LARGE1: variants seen among roughly 807,000 people sequenced by gnomAD.
LARGE1 encodes the protein xylosyl- and glucuronyltransferase LARGE1.
LARGE1 carries 43 observed loss-of-function variants against 87.6 expected under a neutral mutation model. The ratio of observed to expected loss-of-function variants is 0.49; its 90% CI spans 0.38 to 0.63. The LOEUF is 0.63. Among genes scored for constraint, LARGE1 ranks in the 30% least tolerant of loss-of-function variants. LARGE1 has a pLI of 0.00. For synonymous variants in LARGE1, 434 were observed against 394.6 expected (o/e 1.10, Z -1.18); for missense variants, 802 against 1,000.2 (o/e 0.80, Z 2.67).
At chr22:33,556,049 G>C (rs1174659669) in intron 6 of LARGE1, among the ~76,000 whole-genome samples, 1 of 152,038 alleles carries the variant, frequency 6.6e-6, no homozygotes, top group Non-Finnish European at 1.5e-5. Context: ...AGTGAGACCA[G>C]AGGCCAATGC....
intron 12 of LARGE1, among the ~76,000 whole-genome samples, chr22:33,303,286 T>C (rs1363425198): frequency 6.6e-6 from 1 of 152,184 alleles, no homozygotes; most frequent in Non-Finnish European, 1.5e-5. Context: ...TCATGGTGCT[T>C]ATGCACTTGG....
the LARGE1 span, among the ~76,000 whole-genome samples, chr22:33,105,133 G>A: frequency 4.6e-5 from 7 of 151,536 alleles, no homozygotes; most frequent in Non-Finnish European, 5.9e-5. Context: ...AAGTAGCTGG[G>A]ATTACAGGTG....
chr22:33,872,562 G>A (rs899407068), intron 1 of LARGE1, among the ~76,000 whole-genome samples: 18 of 151,796 alleles, frequency 1.2e-4, no homozygotes, highest in African/African-American at 4.1e-4. Context: ...CATCCTTTAC[G>A]CCCTTGAACC....
At chr22:33,338,044 TCA>T (rs1322130192) in intron 9 of LARGE1, among the ~76,000 whole-genome samples, 1 of 152,162 alleles carries the variant, frequency 6.6e-6, no homozygotes, top group Non-Finnish European at 1.5e-5. Context: ...TCTCTGTGCC[TCA>T]GTTTCCTCAT....
chr22:33,837,537 CAG>C (rs967953459), intron 1 of LARGE1, among the ~76,000 whole-genome samples: 5 of 152,246 alleles, frequency 3.3e-5, no homozygotes, highest in South Asian at 2.1e-4. Flanking sequence ...CCATTGAAAA[CAG>C]AGAAAAAGCA....
chr22:33,441,883 C>T (rs147050028), intron 6 of LARGE1, among the ~76,000 whole-genome samples: 17 of 152,276 alleles, frequency 1.1e-4, no homozygotes, highest in Non-Finnish European at 2.1e-4. Context: ...CCTTCAGATG[C>T]GATCTATGTA....
intron 6 of LARGE1, among the ~76,000 whole-genome samples, chr22:33,495,262 C>T (rs1470294610): frequency 6.6e-6 from 1 of 152,194 alleles, no homozygotes; most frequent in Non-Finnish European, 1.5e-5. Context: ...GAGTCTCCAT[C>T]GTGTTGCAGT....
chr22:33,216,887 A>G (rs1480285462), intron 11 of LARGE1, among the ~76,000 whole-genome samples: 1 of 152,204 alleles, frequency 6.6e-6, no homozygotes, highest in East Asian at 1.9e-4. Context: ...GCTAGAGGCA[A>G]ACTCAGGTAA....
intron 5 of LARGE1, among the ~76,000 whole-genome samples, chr22:33,592,860 A>G (rs1295868546): frequency 3.7e-3 from 1 of 268 alleles, no homozygotes; most frequent in East Asian, 0.25. Context: ...GTATTTTTTG[A>G]GACGGAGCTT....
At chr22:33,363,871 G>C (rs926952489) in intron 9 of LARGE1, among the ~76,000 whole-genome samples, 1 of 149,156 alleles carries the variant, frequency 6.7e-6, no homozygotes, top group African/African-American at 2.5e-5. Context: ...AGTGCAGACA[G>C]CATGGAGATG....
At chr22:33,290,720 GGT>G (rs1476126424) in intron 12 of LARGE1, among the ~76,000 whole-genome samples, 1 of 152,164 alleles carries the variant, frequency 6.6e-6, no homozygotes. Context: ...CAAGTAGGTG[GGT>G]GTGAGGGCCA....
chr22:33,529,178 CT>C (rs1383720864), intron 6 of LARGE1, among the ~76,000 whole-genome samples: 1 of 152,012 alleles, frequency 6.6e-6, no homozygotes, highest in Non-Finnish European at 1.5e-5. Context: ...GCTTATCTTG[CT>C]TTTTTTTCAG....
At chr22:33,132,190 ATTTATTTT>A in the LARGE1 span, among the ~76,000 whole-genome samples, 1 of 151,824 alleles carries the variant, frequency 6.6e-6, no homozygotes, top group Non-Finnish European at 1.5e-5. Context: ...TTATTTATTT[ATTTATTTT>A]TTTGAGACAG....
intron 1 of LARGE1, among the ~76,000 whole-genome samples, chr22:33,805,823 C>A (rs1288545262): frequency 6.6e-6 from 1 of 152,064 alleles, no homozygotes; most frequent in Non-Finnish European, 1.5e-5. Context: ...TGTCCTATTT[C>A]TTCTCTTCCA....
At chr22:33,664,243 C>T (rs527705104) in intron 2 of LARGE1, among the ~76,000 whole-genome samples, 176 of 152,342 alleles carry the variant, frequency 1.2e-3, no homozygotes, top group African/African-American at 4.1e-3. Context: ...CATGTCCCCA[C>T]ATCCAAACCA....
intron 1 of LARGE1, among the ~76,000 whole-genome samples, chr22:33,767,919 C>T (rs2084953998): frequency 6.6e-6 from 1 of 152,236 alleles, no homozygotes; most frequent in South Asian, 2.1e-4. Flanking sequence ...TCCTGCCACT[C>T]ACACATTGTC....
chr22:33,839,709 T>G (rs908501165), intron 1 of LARGE1, among the ~76,000 whole-genome samples: 1 of 152,218 alleles, frequency 6.6e-6, no homozygotes, highest in African/African-American at 2.4e-5. Flanking sequence ...GCTAAAATTC[T>G]TAATTTCCCT....
chr22:33,428,103 A>C (rs1206288794), intron 7 of LARGE1, among the ~76,000 whole-genome samples: 1 of 152,156 alleles, frequency 6.6e-6, no homozygotes, highest in Non-Finnish European at 1.5e-5. Flanking sequence ...TTTCTGACCA[A>C]AGGGCTTGGG....
At chr22:33,305,529 T>C in intron 11 of LARGE1, 1 of 960,178 alleles carries the variant, frequency 1.0e-6, no homozygotes, top group Non-Finnish European at 1.2e-6. Context: ...TGTTTTTCCT[T>C]ACCCAGCAAG....
Sources: gnomAD v4.1 joint callset for allele counts (sites outside exome capture counted in the v4.1 genomes callset) on GRCh38, gnomAD v4.1.1 for gene constraint, MANE v1.5 for transcripts, NCBI Gene and HGNC (gene_info 2026-07-23, HGNC 2026-07-21) for gene names.